AK5: variants seen among roughly 807,000 people sequenced by gnomAD.
AK5 encodes the protein adenylate kinase isoenzyme 5.
In AK5, 27 loss-of-function variants were observed where a neutral mutation model predicts 69.5. The ratio of observed to expected loss-of-function variants is 0.39; its 90% CI spans 0.29 to 0.54. AK5 has a LOEUF of 0.54. AK5 is among the 20% of genes least tolerant of loss of function. The probability of loss-of-function intolerance (pLI) is 0.71; values close to 1 mark genes in which losing one functional copy is unlikely to be tolerated. For missense variants in AK5, 531 were observed against 700.4 expected (o/e 0.76, Z 2.73); for synonymous variants, 260 against 244.4 (o/e 1.06, Z -0.60).
At chr1:77,460,175 A>G (rs1413369376) in intron 8 of AK5, among the ~76,000 whole-genome samples, 1 of 152,226 alleles carries the variant, frequency 6.6e-6, no homozygotes, top group Non-Finnish European at 1.5e-5. Context: ...TGTCCAATCA[A>G]TGCTGATAAA....
rs187820693 is a variant in AK5 at position 77,555,272 on chromosome 1, T to A, written c.1621-3330T>A. 2.7e-4 allele frequency among the ~76,000 whole-genome samples: 41 copies of A among 152,132 alleles called. 1 individual carries two copies. Among genetic ancestry groups the A allele is most frequent in the Admixed American group, 1.4e-3 (22 of 15,270 alleles). On this transcript the variant is annotated intron_variant, in intron 13 of 13. Coordinates refer to ENST00000354567, the MANE Select transcript of AK5 (RefSeq NM_174858.3). ...CAGCCTGGGTGACAGAGCAAGACCC[T>A]GTTTTAAAAAACAAAAAACAAACAA...
chr1:77,520,132 G>T (rs1358870797), intron 11 of AK5, among the ~76,000 whole-genome samples: 1 of 150,202 alleles, frequency 6.7e-6, no homozygotes, highest in Non-Finnish European at 1.5e-5. Flanking sequence ...GAACCTGGGA[G>T]GCAGAGGTTG....
chr1:77,296,830 A>T (rs560707175), intron 3 of AK5, among the ~76,000 whole-genome samples: 83 of 152,308 alleles, frequency 5.4e-4, no homozygotes, highest in African/African-American at 1.9e-3. Context: ...AAAGAGATAG[A>T]GATCTAGTTT....
At chr1:77,368,232 TATATA>T (rs1359688884) in intron 6 of AK5, among the ~76,000 whole-genome samples, 3 of 26,916 alleles carry the variant, frequency 1.1e-4, no homozygotes, top group African/African-American at 2.7e-4. Flanking sequence ...TATATATATA[TATATA>T]TATATATATA....
intron 6 of AK5, among the ~76,000 whole-genome samples, chr1:77,360,072 T>A (rs1253599290): frequency 8.5e-5 from 13 of 152,192 alleles, no homozygotes; most frequent in Non-Finnish European, 2.9e-5. Flanking sequence ...GGAAATGGAT[T>A]TTCTTAGGGG....
intron 8 of AK5, among the ~76,000 whole-genome samples, chr1:77,446,634 G>T (rs535341441): frequency 1.3e-5 from 2 of 151,676 alleles, no homozygotes; most frequent in Non-Finnish European, 2.9e-5. Context: ...CACTTCCTTC[G>T]TTAAATTTAT....
intron 10 of AK5, among the ~76,000 whole-genome samples, chr1:77,499,870 A>ATTTTTTTTTTTTT (rs1178365313): frequency 5.9e-5 from 3 of 50,440 alleles, no homozygotes; most frequent in African/African-American, 2.2e-4. Flanking sequence ...CCCTTTTTCC[A>ATTTTTTTTTTTTT]TTTTTTTTTT....
At position 77,438,294 on chromosome 1, in the gene AK5, C is replaced by CA. The variant is rs56019139; in HGVS notation, c.1059+20609dup. ...TTTTGTTTTAACCCTATATTTGGTACAAAAAAAAAAAAAAAAAAAAAAAAA... is the reference window on the plus strand; with the variant it reads ...TTTTGTTTTAACCCTATATTTGGTACAAAAAAAAAAAAAAAAAAAAAAAAAA... On this transcript the variant is annotated intron_variant, in intron 8 of 13. Transcript: ENST00000354567. Among the ~76,000 whole-genome samples the CA allele has an allele frequency of 3.1e-3, 162 of 52,794 alleles. 12 individuals are homozygous for CA. Among genetic ancestry groups the CA allele is most frequent in the Non-Finnish European group, 3.8e-3 (96 of 25,458 alleles). 34.6% of individuals were successfully genotyped at this position (52,794 alleles called of 152,430 possible). A position where few individuals can be genotyped will look rare whatever the true frequency, so the allele number is the denominator to read the frequency against.
chr1:77,315,861 T>A (rs1660217987), intron 5 of AK5, among the ~76,000 whole-genome samples: 1 of 151,422 alleles, frequency 6.6e-6, no homozygotes, highest in African/African-American at 2.5e-5. Flanking sequence ...CCTGGATGTG[T>A]GCACCCTACT....
At chr1:77,541,129 G>A (rs1026731534) in intron 13 of AK5, among the ~76,000 whole-genome samples, 4 of 152,198 alleles carry the variant, frequency 2.6e-5, no homozygotes, top group South Asian at 2.1e-4. Context: ...GGCTGGTCTC[G>A]AACTCCTGAC....
At chr1:77,343,901 A>G (rs1412377971) in intron 6 of AK5, among the ~76,000 whole-genome samples, 1 of 152,170 alleles carries the variant, frequency 6.6e-6, no homozygotes, top group Non-Finnish European at 1.5e-5. Context: ...TCCAATACAT[A>G]GGTTATTGAA....
chr1:77,405,268 A>T (rs1264890189), intron 6 of AK5, among the ~76,000 whole-genome samples: 1 of 152,236 alleles, frequency 6.6e-6, no homozygotes, highest in African/African-American at 2.4e-5. Context: ...ATGCTAAGAA[A>T]TAAGTTGCTC....
chr1:77,505,714 A>G (rs1397015047), intron 10 of AK5, among the ~76,000 whole-genome samples: 1 of 151,438 alleles, frequency 6.6e-6, no homozygotes, highest in Non-Finnish European at 1.5e-5. Flanking sequence ...TAAAAATAAA[A>G]TAAAGTAAAA....
chr1:77,354,217 T>TC (rs138397890), intron 6 of AK5, among the ~76,000 whole-genome samples: 2,727 of 152,282 alleles, frequency 0.018, 84 homozygotes, highest in African/African-American at 0.061. Context: ...TGTTGCTCTC[T>TC]CCCTGCTCAA....
At chr1:77,359,127 T>C (rs1570435790) in intron 6 of AK5, among the ~76,000 whole-genome samples, 1 of 151,746 alleles carries the variant, frequency 6.6e-6, no homozygotes, top group South Asian at 2.1e-4. Context: ...TAGTGGTGGG[T>C]GCCTGTAGTC....
intron 12 of AK5, among the ~76,000 whole-genome samples, chr1:77,533,009 A>C (rs1658735611): frequency 6.6e-6 from 1 of 152,242 alleles, no homozygotes; most frequent in Non-Finnish European, 1.5e-5. Flanking sequence ...ATCTCATTGA[A>C]ACATTTCAAA....
intron 6 of AK5, among the ~76,000 whole-genome samples, chr1:77,356,622 G>A (rs1248628198): frequency 6.6e-6 from 1 of 152,184 alleles, no homozygotes; most frequent in East Asian, 1.9e-4. Flanking sequence ...AGGACTGAGT[G>A]AGAAAAGGTA....
At chr1:77,435,197 A>G (rs1045984450) in intron 8 of AK5, among the ~76,000 whole-genome samples, 5 of 152,232 alleles carry the variant, frequency 3.3e-5, no homozygotes, top group Non-Finnish European at 7.3e-5. Flanking sequence ...GCAGTGTTGT[A>G]TGACCTCAAA....
chr1:77,424,224 C>T (rs1033001783), intron 8 of AK5, among the ~76,000 whole-genome samples: 3 of 152,156 alleles, frequency 2.0e-5, no homozygotes, highest in Admixed American at 6.5e-5. Context: ...CAGAACCAGT[C>T]ATATATAGCA....
Sources: allele counts gnomAD v4.1 joint callset (sites outside exome capture counted in the v4.1 genomes callset), GRCh38; gene constraint gnomAD v4.1.1; transcripts MANE v1.5; gene names NCBI Gene and HGNC (gene_info 2026-07-23, HGNC 2026-07-21).